PDE4D: variants seen among roughly 807,000 people sequenced by gnomAD.
The protein encoded by PDE4D is phosphodiesterase 4D.
In PDE4D, 24 loss-of-function variants were observed where a neutral mutation model predicts 87.4. The ratio of observed to expected loss-of-function variants is 0.27; its 90% CI spans 0.20 to 0.39. The LOEUF (loss-of-function observed/expected upper bound fraction) is 0.39. Among genes scored for constraint, PDE4D ranks in the 10% least tolerant of loss-of-function variants. The pLI is 1.00. For missense variants in PDE4D, 714 were observed against 1,041.0 expected (o/e 0.69, Z 4.32); for synonymous variants, 384 against 383.2 (o/e 1.00, Z -0.02).
chr5:60,217,954 G>C (rs1744055350), intron 1 of PDE4D, among the ~76,000 whole-genome samples: 2 of 152,042 alleles, frequency 1.3e-5, no homozygotes, highest in African/African-American at 4.8e-5. Context: ...GGTAGAAATA[G>C]AAGTTAGTAC....
chr5:59,820,334 C>T (rs1439596352), intron 1 of PDE4D, among the ~76,000 whole-genome samples: 1 of 152,212 alleles, frequency 6.6e-6, no homozygotes, highest in African/African-American at 2.4e-5. Flanking sequence ...AACACACTCT[C>T]CTCAGGCTAT....
At position 59,254,466 on chromosome 5, in the gene PDE4D, A is replaced by G. The variant is rs115801662; in HGVS notation, c.456-38498T>C. Among the ~76,000 whole-genome samples the G allele has an allele frequency of 5.7e-3, 868 of 152,118 alleles. 12 individuals are homozygous for G. The highest frequency in any genetic ancestry group is 0.02 in the African/African-American group (827 of 41,520). On this transcript the variant is annotated intron_variant, in intron 1 of 14. Coordinates refer to ENST00000340635, the MANE Select transcript of PDE4D (RefSeq NM_001104631.2). ...TAATTTTTTGTCCTAATAACTAAAA[A>G]TGATGTCAAGCAGAGCAGATGGCAA...
intron 1 of PDE4D, among the ~76,000 whole-genome samples, chr5:59,428,847 G>A (rs1795694397): frequency 6.6e-6 from 1 of 151,988 alleles, no homozygotes. Flanking sequence ...TTATTTAATT[G>A]ATTTACTAGC....
intron 1 of PDE4D, among the ~76,000 whole-genome samples, chr5:59,547,316 C>T (rs1424597217): frequency 6.6e-6 from 1 of 151,928 alleles, no homozygotes; most frequent in African/African-American, 2.4e-5. Flanking sequence ...AAAAAAGGGG[C>T]AGTATATACA....
intron 5 of PDE4D, among the ~76,000 whole-genome samples, chr5:59,043,261 C>T (rs989955496): frequency 5.9e-5 from 9 of 152,152 alleles, no homozygotes; most frequent in Admixed American, 3.9e-4. Context: ...CAGTGGCTCA[C>T]GCCTGTAATC....
At chr5:59,140,927 T>C (rs1270052389) in intron 5 of PDE4D, among the ~76,000 whole-genome samples, 2 of 152,212 alleles carry the variant, frequency 1.3e-5, no homozygotes, top group African/African-American at 4.8e-5. Context: ...CGTATTCCTT[T>C]AAAGATAAAA....
At chr5:59,124,499 C>T (rs1425155692) in intron 5 of PDE4D, among the ~76,000 whole-genome samples, 2 of 152,284 alleles carry the variant, frequency 1.3e-5, no homozygotes, top group East Asian at 3.9e-4. Flanking sequence ...TGTAGCTTAC[C>T]TAGCCTCCCT....
intron 2 of PDE4D, among the ~76,000 whole-genome samples, chr5:60,091,578 G>A (rs1314968295): frequency 6.6e-6 from 1 of 151,982 alleles, no homozygotes; most frequent in Non-Finnish European, 1.5e-5. Context: ...CACTATGGAG[G>A]TTCCTCAAAA....
At chr5:59,448,650 A>T (rs1798692320) in intron 1 of PDE4D, among the ~76,000 whole-genome samples, 2 of 152,158 alleles carry the variant, frequency 1.3e-5, no homozygotes, top group Admixed American at 6.6e-5. Flanking sequence ...GTTTTGGAAT[A>T]TCCCTTTTTG....
At chr5:59,700,001 T>G (rs298089) in intron 1 of PDE4D, among the ~76,000 whole-genome samples, 114,689 of 151,956 alleles carry the variant, frequency 0.75, 43,397 homozygotes, top group East Asian at 0.84. Context: ...TGAGTAGATA[T>G]ATTTAATCTA....
intron 1 of PDE4D, among the ~76,000 whole-genome samples, chr5:59,318,977 G>A (rs1581932189): frequency 6.6e-6 from 1 of 151,992 alleles, no homozygotes; most frequent in Non-Finnish European, 1.5e-5. Context: ...GCAGTCTTTA[G>A]TTAAGACAAT....
intron 1 of PDE4D, among the ~76,000 whole-genome samples, chr5:59,419,870 G>C (rs753284814): frequency 2.0e-5 from 3 of 152,086 alleles, no homozygotes; most frequent in African/African-American, 2.4e-5. Context: ...TTTTACCGTG[G>C]AGAACCCCTT....
chr5:59,776,218 T>A (rs1197289847), intron 1 of PDE4D, among the ~76,000 whole-genome samples: 1 of 152,204 alleles, frequency 6.6e-6, no homozygotes, highest in Non-Finnish European at 1.5e-5. Context: ...CATTTTGTAA[T>A]AAGTTAGCAA....
chr5:59,960,845 C>T lies in PDE4D; in HGVS notation c.272+27643G>A, dbSNP rs1434117682. Reference sequence around the variant, plus strand: ...ATGTAACAAACCTGCACATGTACCACCTGAATCTAAAATAAAAAATTTAAA... The same window carrying T: ...ATGTAACAAACCTGCACATGTACCATCTGAATCTAAAATAAAAAATTTAAA... On this transcript the variant is annotated intron_variant, in intron 3 of 16. Transcript: ENST00000502484. Among the ~76,000 whole-genome samples, 4 of 151,946 alleles carry T rather than the reference C, an allele frequency of 2.6e-5. No homozygotes were observed. The East Asian group carries it at 5.8e-4, about 22-fold the overall frequency.
At chr5:59,122,192 A>AAAGG (rs1011742366) in intron 5 of PDE4D, among the ~76,000 whole-genome samples, 2 of 151,866 alleles carry the variant, frequency 1.3e-5, no homozygotes, top group Admixed American at 1.3e-4. Flanking sequence ...AGAAAGAAAG[A>AAAGG]AAACATGGTA....
At chr5:59,487,645 T>C (rs935548639) in intron 1 of PDE4D, among the ~76,000 whole-genome samples, 6 of 152,086 alleles carry the variant, frequency 3.9e-5, no homozygotes, top group African/African-American at 9.7e-5. Flanking sequence ...TAATAAAAAG[T>C]AATCAGGAAG....
intron 1 of PDE4D, among the ~76,000 whole-genome samples, chr5:60,241,271 C>CTTTTTTT (rs371953042): frequency 1.0e-5 from 1 of 96,990 alleles, no homozygotes; most frequent in Admixed American, 1.3e-4. Flanking sequence ...CTCTCTCTCT[C>CTTTTTTT]TTTTTTTTTT....
chr5:59,396,935 G>A (rs202018867), intron 1 of PDE4D, among the ~76,000 whole-genome samples: 41 of 106,606 alleles, frequency 3.8e-4, no homozygotes, highest in South Asian at 9.7e-4. Flanking sequence ...TTGCAATCCT[G>A]GTCTCTGATA....
chr5:59,337,337 CTT>C (rs1232280356), intron 1 of PDE4D, among the ~76,000 whole-genome samples: 7 of 133,006 alleles, frequency 5.3e-5, no homozygotes, highest in African/African-American at 1.1e-4. Context: ...CCCCCCCCAC[CTT>C]TTTTTTTTTT....
Sources: allele counts gnomAD v4.1 joint callset (sites outside exome capture counted in the v4.1 genomes callset), GRCh38; gene constraint gnomAD v4.1.1; transcripts MANE v1.5; gene names NCBI Gene and HGNC (gene_info 2026-07-23, HGNC 2026-07-21).